Variants in INVS observed in about 807,000 individuals in gnomAD.
INVS encodes inversin.
INVS carries 86 observed loss-of-function variants against 108.8 expected under a neutral mutation model. The ratio of observed to expected loss-of-function variants is 0.79; its 90% CI spans 0.66 to 0.95. The LOEUF (loss-of-function observed/expected upper bound fraction) is 0.95. Among genes scored for constraint, INVS ranks in the 40% least tolerant of loss-of-function variants. INVS has a pLI of 0.00. For missense variants in INVS, 1,169 were observed against 1,297.4 expected (o/e 0.90, Z 1.52); for synonymous variants, 455 against 473.5 (o/e 0.96, Z 0.51).
intron 3 of INVS, among the ~76,000 whole-genome samples, chr9:100,179,144 A>C (rs1829805015): frequency 6.6e-6 from 1 of 152,210 alleles, no homozygotes; most frequent in Non-Finnish European, 1.5e-5. Context: ...GGAGGCACTA[A>C]CTATGGAAAG....
chr9:100,239,010 C>T (rs1338320031), intron 5 of INVS, among the ~76,000 whole-genome samples: 3 of 152,186 alleles, frequency 2.0e-5, no homozygotes, highest in Non-Finnish European at 4.4e-5. Context: ...TTTCTGCCAG[C>T]ATGTAGGGAA....
At chr9:100,100,860 TA>T (rs1564112008) in intron 1 of INVS, among the ~76,000 whole-genome samples, 2 of 11,966 alleles carry the variant, frequency 1.7e-4, no homozygotes, top group Non-Finnish European at 2.6e-4. Flanking sequence ...TATGTATATA[TA>T]ATATATATAT....
At chr9:100,264,762 ATAAC>A in intron 10 of INVS, 56 bp from the exon 11 acceptor site, 2 of 1,144,188 alleles carry the variant, frequency 1.7e-6, no homozygotes, top group Non-Finnish European at 2.7e-6. Context: ...ATTAGCATAA[ATAAC>A]CACATATCCA....
chr9:100,211,351 T>C (rs561288298), intron 3 of INVS, among the ~76,000 whole-genome samples: 3 of 152,280 alleles, frequency 2.0e-5, no homozygotes, highest in Non-Finnish European at 4.4e-5. Context: ...TTTGGTTAGT[T>C]TCCTATATAT....
At chr9:100,145,464 TC>T (rs1260474758) in intron 3 of INVS, among the ~76,000 whole-genome samples, 4 of 151,220 alleles carry the variant, frequency 2.6e-5, no homozygotes, top group African/African-American at 9.8e-5. Flanking sequence ...AATTAAGGGA[TC>T]GGGGCACAGA....
At chr9:100,168,424 G>A (rs1399206618) in intron 3 of INVS, among the ~76,000 whole-genome samples, 2 of 152,172 alleles carry the variant, frequency 1.3e-5, no homozygotes, top group African/African-American at 4.8e-5. Flanking sequence ...TACTTGTTGT[G>A]CCATTTGGCC....
chr9:100,283,780 G>C (rs963004495), intron 12 of INVS, among the ~76,000 whole-genome samples: 1 of 152,222 alleles, frequency 6.6e-6, no homozygotes. Context: ...TCATTAGCTA[G>C]AGCTGTCAAC....
chr9:100,220,274 CT>C (rs1404185144), intron 3 of INVS, among the ~76,000 whole-genome samples: 1 of 151,990 alleles, frequency 6.6e-6, no homozygotes, highest in Non-Finnish European at 1.5e-5. Context: ...CTCTTTCACC[CT>C]TTTCATACAT....
chr9:100,167,123 C>G (rs1285912486), intron 3 of INVS, among the ~76,000 whole-genome samples: 2 of 151,914 alleles, frequency 1.3e-5, no homozygotes, highest in Non-Finnish European at 2.9e-5. Context: ...CCCAGCTACA[C>G]CAGAGGCTGG....
In INVS at chr9:100,182,178, A is replaced by G. The variant is rs1829910065; in HGVS notation, c.274-43884A>G. ...ATAAAAACGCTAGAAGAAAACCTAG[A>G]CAATACCATTCAGGACAGAGGCATG... On this transcript the variant is annotated intron_variant, in intron 3 of 16. Transcript: ENST00000262457. Among the ~76,000 whole-genome samples, 6 of 152,154 alleles carry G rather than the reference A, an allele frequency of 3.9e-5. No homozygotes were observed. In the South Asian group the frequency reaches 1.2e-3, roughly 31 times the overall value.
chr9:100,160,059 C>T (rs1829119234), intron 3 of INVS, among the ~76,000 whole-genome samples: 1 of 152,172 alleles, frequency 6.6e-6, no homozygotes, highest in African/African-American at 2.4e-5. Context: ...TCAGGCTTTG[C>T]TCTGATGTAT....
Position 100,126,409 on chromosome 9 carries a change from G to A in INVS, c.133G>A (p.Asp45Asn). 6.2e-7 allele frequency: 1 copy of A among 1,614,052 alleles called. No homozygotes were observed. The highest frequency in any genetic ancestry group is 1.7e-5 in the Admixed American group (1 of 60,030). ...AAACTCTGCTCTTAAAGACAAAGAA[G>A]ATCAGTTTGGGAGAACACCACTTAT... is the stretch of plus-strand genomic sequence containing the variant. Reference protein sequence around the residue: ...VGNSALKDKEDQFGRTPLMYC... With the variant: ...VGNSALKDKENQFGRTPLMYC... Residue 45 changes from aspartate (D) to asparagine (N), a missense_variant, in exon 3 of 17, where the codon GAT becomes AAT. By Grantham distance (23) the Asp-to-Asn change is conservative. Transcript: ENST00000262457.
chr9:100,201,109 T>G (rs926243068), intron 3 of INVS, among the ~76,000 whole-genome samples: 4 of 152,224 alleles, frequency 2.6e-5, no homozygotes, highest in Admixed American at 6.5e-5. Flanking sequence ...GTTTATTGCT[T>G]ATGGCACAGC....
chr9:100,252,391 G>C lies in INVS; in HGVS notation c.1187G>C (p.Arg396Pro), dbSNP rs1176029739. 7.4e-6 allele frequency: 12 copies of C among 1,613,800 alleles called. No homozygotes were observed. Among genetic ancestry groups the C allele is most frequent in the African/African-American group, 1.3e-5 (1 of 74,908 alleles). Residue 396 changes from arginine (R) to proline (P), a missense_variant, in exon 9 of 17, where the codon CGA (arginine) becomes CCA (proline). Physicochemically the swap from Arg to Pro is moderately radical, Grantham distance 103. Around this residue, in one of 3 missense-constraint regions of INVS, gnomAD observed 271 missense variants for 363.8 expected, o/e 0.74. Coordinates refer to ENST00000262457, the MANE Select transcript of INVS (RefSeq NM_014425.5). Reference protein sequence around the residue: ...TDVMKHTPLFRACEMGHKDVI... With the variant: ...TDVMKHTPLFPACEMGHKDVI... ...GTTATGAAACATACTCCACTTTTCC[G>C]AGCCTGTGAGATGGGACACAAAGAT...
At chr9:100,153,315 CA>C (rs1828867767) in intron 3 of INVS, among the ~76,000 whole-genome samples, 2 of 145,978 alleles carry the variant, frequency 1.4e-5, no homozygotes, top group African/African-American at 5.0e-5. Context: ...ATATCATTAT[CA>C]AAGGTTTAAT....
At chr9:100,286,399 T>C (rs1418479348) in intron 13 of INVS, among the ~76,000 whole-genome samples, 1 of 152,040 alleles carries the variant, frequency 6.6e-6, no homozygotes, top group Non-Finnish European at 1.5e-5. Flanking sequence ...ACTAAAAATA[T>C]ACAAATTAGC....
chr9:100,300,590 T>C lies in INVS; in HGVS notation c.3114T>C (p.His1038=). 6.2e-7 allele frequency: 1 copy of C among 1,612,910 alleles called. No homozygotes were observed. The highest frequency in any genetic ancestry group is 8.5e-7 in the Non-Finnish European group (1 of 1,178,946). Residue 1038 remains histidine, a synonymous_variant, in exon 17 of 17, where the codon CAT becomes CAC. Coordinates refer to ENST00000262457, the MANE Select transcript of INVS (RefSeq NM_014425.5). Reference sequence around the variant, plus strand: ...CAGTGAGCAACCTACAGTGTATACATCTCCTTGAGAACAGTGGAAGATCAA... The same window carrying C: ...CAGTGAGCAACCTACAGTGTATACACCTCCTTGAGAACAGTGGAAGATCAA... ...LNSVSNLQCI[H]LLENSGRSKN...
intron 2 of INVS, among the ~76,000 whole-genome samples, chr9:100,118,576 A>T (rs1166345688): frequency 6.6e-6 from 1 of 152,178 alleles, no homozygotes; most frequent in Admixed American, 6.5e-5. Flanking sequence ...ACTGACTAAC[A>T]TACAAAATAT....
intron 3 of INVS, among the ~76,000 whole-genome samples, chr9:100,128,271 G>A (rs993435694): frequency 2.0e-5 from 3 of 152,108 alleles, no homozygotes; most frequent in South Asian, 2.1e-4. Flanking sequence ...TAGTATCGAA[G>A]AATAAATAGA....
Sources: allele counts gnomAD v4.1 joint callset (sites outside exome capture counted in the v4.1 genomes callset), GRCh38; gene constraint gnomAD v4.1.1; regional missense constraint gnomAD v4.1.1; transcripts MANE v1.5; gene names NCBI Gene and HGNC (gene_info 2026-07-23, HGNC 2026-07-21).